UNC45A: variants seen among roughly 807,000 people sequenced by gnomAD.
UNC45A encodes unc-45 myosin chaperone A, also known as protein unc-45 homolog A.
A neutral mutation model predicts 103.2 loss-of-function variants in UNC45A; 78 were observed. The observed-to-expected ratio is 0.76, with a 90% CI of 0.63 to 0.91. UNC45A has a LOEUF of 0.91. Among genes scored for constraint, UNC45A ranks in the 40% least tolerant of loss-of-function variants. UNC45A has a pLI of 0.00. For synonymous variants in UNC45A, 495 were observed against 504.6 expected, an observed-to-expected ratio of 0.98 and a Z score of 0.25; for missense variants, 1,193 against 1,224.8, an observed-to-expected ratio of 0.97 and a Z score of 0.39.
Position 90,948,695 on chromosome 15 carries a change from G to A in UNC45A, c.1779G>A (p.Leu593=). ...RSVLFAVASA[L]VNCTNSYDYE... is the part of the protein sequence containing the mutation. ...TGCTCTTTGCGGTGGCCTCAGCGCT[G>A]GTGAACTGCACCAACAGCTATGACT... The change falls in exon 13 of 20, where the codon CTG becomes CTA. Residue 593 remains leucine (L), a synonymous_variant. Coordinates refer to ENST00000418476, the MANE Select transcript of UNC45A (RefSeq NM_018671.5). 4 of 1,614,024 alleles carry A rather than the reference G, an allele frequency of 2.5e-6. No individual in the cohort carries two copies. Among genetic ancestry groups the A allele is most frequent in the Non-Finnish European group, 3.4e-6 (4 of 1,180,008 alleles).
chr15:90,939,918 C>T (rs556191656), intron 5 of UNC45A, 95 bp downstream of exon 5: 3 of 1,195,598 alleles, frequency 2.5e-6, no homozygotes, highest in African/African-American at 3.1e-5. Flanking sequence ...TGCCGCTCCT[C>T]CAATCGTGCA....
Position 90,939,744 on chromosome 15 carries a change from C to T in UNC45A, c.440C>T (p.Ser147Phe), listed in dbSNP as rs745796803. 1.9e-6 allele frequency: 3 copies of T among 1,614,088 alleles called. No individual in the cohort carries two copies. Among genetic ancestry groups the T allele is most frequent in the Admixed American group, 1.7e-5 (1 of 60,002 alleles). Residue 147 changes from serine (S) to phenylalanine (F), a missense_variant, in exon 5 of 20, where the codon TCC becomes TTC. By Grantham distance (155) the Ser-to-Phe change is radical. Transcript: ENST00000418476. Reference protein sequence around the residue: ...GQIQEKVRYMSSTDAKVEQMF... With the variant: ...GQIQEKVRYMFSTDAKVEQMF... ...TGGTTTGTCTAGGTGCGATACATGT[C>T]CTCGACGGATGCCAAAGTGGAACAG...
At position 90,935,609 on chromosome 15, in the gene UNC45A, C is replaced by T. The variant is rs929385615; in HGVS notation, c.117C>T (p.Gly39=). ...NELFKCGDYG[G]ALAAYTQALG... ...TGTTCAAATGTGGAGACTACGGGGGCGCCCTGGCGGCCTACACTCAGGCCC... is the reference window on the plus strand; with the variant it reads ...TGTTCAAATGTGGAGACTACGGGGGTGCCCTGGCGGCCTACACTCAGGCCC... Residue 39 remains glycine, a synonymous_variant, in exon 2 of 20, where the codon GGC becomes GGT. Transcript: ENST00000418476. The T allele has an allele frequency of 6.2e-7, 1 of 1,613,050 alleles. No individual in the cohort carries two copies. The highest frequency in any genetic ancestry group is 8.5e-7 in the Non-Finnish European group (1 of 1,179,608).
Position 90,946,711 on chromosome 15 carries a change from T to G in UNC45A, c.1297T>G (p.Leu433Val). 2 of 1,613,250 alleles carry G rather than the reference T, an allele frequency of 1.2e-6. No homozygotes were observed. Among genetic ancestry groups the G allele is most frequent in the Non-Finnish European group, 1.7e-6 (2 of 1,180,008 alleles). Residue 433 changes from leucine (L) to valine (V), a missense_variant, in exon 10 of 20, where the codon TTG (leucine) becomes GTG (valine). Coordinates refer to ENST00000418476, the MANE Select transcript of UNC45A (RefSeq NM_018671.5). ...CCCATGTGACGCTGGCAACCGGGCC[T>G]TGGAGCTGAGCGGTGTCATGGAGAG... The part of the protein sequence containing the change: ...QGPCDAGNRA[L>V]ELSGVMESVI...
intron 5 of UNC45A, 114 bp from the exon 6 acceptor site, chr15:90,940,192 C>A: frequency 1.7e-6 from 2 of 1,209,136 alleles, no homozygotes; most frequent in Non-Finnish European, 2.3e-6. Flanking sequence ...TGGCCGTGGT[C>A]ACTCAACTGT....
chr15:90,942,882 A>G (rs1178318659), intron 7 of UNC45A, 30 bp from the exon 8 acceptor site: 1 of 1,579,228 alleles, frequency 6.3e-7, no homozygotes, highest in Non-Finnish European at 8.6e-7. Flanking sequence ...GCTGCTGTGG[A>G]GCCCACTGAT....
chr15:90,940,187 G>A (rs991784906), intron 5 of UNC45A, 119 bp from the exon 6 acceptor site: 44 of 1,135,156 alleles, frequency 3.9e-5, no homozygotes, highest in African/African-American at 9.4e-5. Context: ...TTTTTTGGCC[G>A]TGGTCACTCA....
chr15:90,931,790 G>C (rs538623921), upstream of UNC45A: 1 of 1,614,106 alleles, frequency 6.2e-7, no homozygotes, highest in Non-Finnish European at 8.5e-7. Flanking sequence ...ACTGTGGGGC[G>C]CTTGCTCCAC....
At position 90,952,927 on chromosome 15, in the gene UNC45A, A is replaced by G; in HGVS notation, c.2304-2A>G. 1 of 1,612,228 alleles carries G rather than the reference A, an allele frequency of 6.2e-7. No homozygotes were observed. The highest frequency in any genetic ancestry group is 8.5e-7 in the Non-Finnish European group (1 of 1,179,772). ...CTGCTGCTTCCTCCTGTGGCCCTGC[A>G]GGCAGAAGATCCTGAAGGAGAAGGC... On this transcript the variant is annotated splice_acceptor_variant, in intron 17 of 19. Coordinates refer to ENST00000418476, the MANE Select transcript of UNC45A (RefSeq NM_018671.5). LOFTEE classifies it high-confidence loss of function.
intron 4 of UNC45A, 67 bp from the exon 5 acceptor site, chr15:90,939,660 CAAAT>C: frequency 6.5e-7 from 1 of 1,532,642 alleles, no homozygotes; most frequent in Non-Finnish European, 9.0e-7. Context: ...GAGCTGGAGA[CAAAT>C]GAATAGGGAG....
chr15:90,942,620 G>A lies in UNC45A; in HGVS notation c.856+15G>A, dbSNP rs370869832. 19 of 1,614,156 alleles carry A rather than the reference G, an allele frequency of 1.2e-5. No individual in the cohort carries two copies. Among genetic ancestry groups the A allele is most frequent in the Non-Finnish European group, 1.6e-5 (19 of 1,180,024 alleles). Reference sequence around the variant, plus strand: ...CATCATTGTGGGTGAGTGGAAGCAGGTCTGGGGTCTTTTGGACGTTACTGT... The same window carrying A: ...CATCATTGTGGGTGAGTGGAAGCAGATCTGGGGTCTTTTGGACGTTACTGT... On this transcript the variant is annotated intron_variant, in intron 7 of 19. Coordinates refer to ENST00000418476, the MANE Select transcript of UNC45A (RefSeq NM_018671.5).
chr15:90,953,568 T>C lies in UNC45A; in HGVS notation c.2687T>C (p.Ile896Thr), dbSNP rs1342109267. The part of the protein sequence containing the change: ...VLNMVEASRE[I>T]ASTLMESEMM... ...AACATGGTGGAGGCCTCGAGGGAGA[T>C]TGCCAGCACCCTGATGGAGAGTGAG... Residue 896 changes from isoleucine (I) to threonine (T), a missense_variant, in exon 20 of 20, where the codon ATT (isoleucine) becomes ACT (threonine). By Grantham distance (89) the Ile-to-Thr change is moderately conservative. Transcript: ENST00000418476. 6 of 1,614,074 alleles carry C rather than the reference T, an allele frequency of 3.7e-6. No individual in the cohort carries two copies. The highest frequency in any genetic ancestry group is 1.1e-5 in the South Asian group (1 of 91,082).
intron 10 of UNC45A, chr15:90,947,557 G>A (rs1373028358): frequency 2.2e-5 from 12 of 554,786 alleles, no homozygotes; most frequent in East Asian, 9.0e-5. Flanking sequence ...TGGGGCCCAC[G>A]ACTGTCCAGC....
chr15:90,947,732 TG>T, intron 10 of UNC45A, 63 bp from the exon 11 acceptor site: 1 of 1,234,478 alleles, frequency 8.1e-7, no homozygotes. Context: ...CCAAGCCAGG[TG>T]TGGAGGAGCT....
At chr15:90,952,167 G>A (rs1408015770) in intron 17 of UNC45A, 1 of 152,336 alleles carries the variant, frequency 6.6e-6, no homozygotes, top group Non-Finnish European at 1.5e-5. Context: ...TGGAGCAGAT[G>A]TAGAAACTCT....
intron 8 of UNC45A, among the ~76,000 whole-genome samples, chr15:90,943,719 C>T (rs2036411953): frequency 6.6e-6 from 1 of 151,452 alleles, no homozygotes; most frequent in South Asian, 2.1e-4. Flanking sequence ...GACAGAGTCT[C>T]ACTCTGTCGC....
intron 6 of UNC45A, chr15:90,940,980 G>A (rs1307912168): frequency 1.3e-5 from 2 of 152,054 alleles, no homozygotes; most frequent in Admixed American, 6.6e-5. Context: ...TAACAAGAGA[G>A]AAAAAATAAA....
chr15:90,935,415 G>T, intron 1 of UNC45A, 40 bp downstream of exon 1: 2 of 1,580,622 alleles, frequency 1.3e-6, no homozygotes, highest in African/African-American at 1.4e-5. Flanking sequence ...CTTCGCACCC[G>T]CCCTGACCAT....
Position 90,953,956 on chromosome 15 carries a change from C to T in UNC45A, c.*240C>T. On this transcript the variant is annotated 3_prime_UTR_variant, in exon 20 of 20. Coordinates refer to ENST00000418476, the MANE Select transcript of UNC45A (RefSeq NM_018671.5). Reference sequence around the variant, plus strand: ...GGCCCTTTTTCTGTACTACTGTAGTCAGCTGGGAATGGGGAAGGTGCATCC... The same window carrying T: ...GGCCCTTTTTCTGTACTACTGTAGTTAGCTGGGAATGGGGAAGGTGCATCC... 2 of 575,716 alleles carry T rather than the reference C, an allele frequency of 3.5e-6. No individual in the cohort carries two copies. The highest frequency in any genetic ancestry group is 6.1e-6 in the Non-Finnish European group (2 of 327,396). 35.7% of individuals were successfully genotyped at this position (575,716 alleles called of 1,614,324 possible).
Sources: allele counts gnomAD v4.1 joint callset (sites outside exome capture counted in the v4.1 genomes callset), GRCh38; gene constraint gnomAD v4.1.1; transcripts MANE v1.5; gene names NCBI Gene and HGNC (gene_info 2026-07-23, HGNC 2026-07-21).